Variants in CTNND2 observed in about 807,000 individuals in gnomAD.
CTNND2 encodes catenin delta 2, also known as catenin delta-2.
CTNND2 carries 22 observed loss-of-function variants against 144.4 expected under a neutral mutation model. The observed-to-expected ratio is 0.15, with a 90% CI of 0.11 to 0.22. CTNND2 has a LOEUF of 0.22. CTNND2 is among the 10% of genes least tolerant of loss of function. CTNND2 has a pLI of 1.00. For synonymous variants in CTNND2, 751 were observed against 695.6 expected (o/e 1.08, Z -1.25); for missense variants, 1,353 against 1,618.8 (o/e 0.84, Z 2.82).
intron 2 of CTNND2, among the ~76,000 whole-genome samples, chr5:11,689,004 C>T (rs1346266494): frequency 1.3e-5 from 2 of 152,190 alleles, no homozygotes; most frequent in African/African-American, 2.4e-5. Context: ...TGACTGGGAA[C>T]GAACAGTATC....
chr5:11,451,828 A>G (rs1457260403), intron 3 of CTNND2, among the ~76,000 whole-genome samples: 1 of 152,200 alleles, frequency 6.6e-6, no homozygotes, highest in African/African-American at 2.4e-5. Flanking sequence ...ATACTGAACA[A>G]CACATGCGAA....
At chr5:11,833,092 T>C (rs1375124115) in intron 1 of CTNND2, among the ~76,000 whole-genome samples, 1 of 152,224 alleles carries the variant, frequency 6.6e-6, no homozygotes, top group Non-Finnish European at 1.5e-5. Flanking sequence ...TTGGTGTTTT[T>C]AAAAAGCTAA....
chr5:11,115,752 G>A (rs2149691934), intron 13 of CTNND2, among the ~76,000 whole-genome samples: 1 of 152,312 alleles, frequency 6.6e-6, no homozygotes, highest in East Asian at 1.9e-4. Flanking sequence ...ATGACAAGTG[G>A]TGCTCATAAT....
At chr5:11,105,906 C>T (rs1357181645) in intron 14 of CTNND2, among the ~76,000 whole-genome samples, 2 of 151,886 alleles carry the variant, frequency 1.3e-5, no homozygotes, top group African/African-American at 2.4e-5. Context: ...GAGGAACGGG[C>T]GGCAGCTGAA....
chr5:11,320,107 A>G (rs1235089687), intron 9 of CTNND2, among the ~76,000 whole-genome samples: 1 of 152,214 alleles, frequency 6.6e-6, no homozygotes, highest in Non-Finnish European at 1.5e-5. Context: ...CATTAGTCAT[A>G]GGCACTGCTC....
intron 12 of CTNND2, among the ~76,000 whole-genome samples, chr5:11,145,954 C>G (rs1757201986): frequency 6.6e-6 from 1 of 152,202 alleles, no homozygotes; most frequent in Admixed American, 6.5e-5. Flanking sequence ...GAGCATCTCT[C>G]TGCGCCTTCA....
intron 3 of CTNND2, among the ~76,000 whole-genome samples, chr5:11,428,627 A>G (rs1225208052): frequency 1.3e-5 from 2 of 152,254 alleles, no homozygotes; most frequent in Non-Finnish European, 2.9e-5. Context: ...CCTGGTACTC[A>G]TAAAACAGGT....
At chr5:11,139,437 G>A (rs150274717) in intron 12 of CTNND2, among the ~76,000 whole-genome samples, 223 of 152,336 alleles carry the variant, frequency 1.5e-3, no homozygotes, top group African/African-American at 5.1e-3. Flanking sequence ...ACCAGCTGAT[G>A]AATCCCTGTC....
chr5:11,584,520 A>C (rs909684863), intron 2 of CTNND2, among the ~76,000 whole-genome samples: 1 of 151,762 alleles, frequency 6.6e-6, no homozygotes. Context: ...ATGTTGAAAA[A>C]TATTTACACA....
rs575618609 is a variant in CTNND2, at chr5:11,272,191, C to T, written c.1629-35368G>A. Reference sequence around the variant, plus strand: ...TTAATTCAGAAAACAATTATAGCAACGTGAGATTATTTTTGTGATAGAATT... The same window carrying T: ...TTAATTCAGAAAACAATTATAGCAATGTGAGATTATTTTTGTGATAGAATT... On this transcript the variant is annotated intron_variant, in intron 9 of 21. Coordinates refer to ENST00000304623, the MANE Select transcript of CTNND2 (RefSeq NM_001332.4). Among the ~76,000 whole-genome samples the T allele has an allele frequency of 1.1e-4, 17 of 152,098 alleles. No individual in the cohort carries two copies. The South Asian group carries it at 2.5e-3, about 22-fold the overall frequency.
At chr5:11,855,749 C>T (rs1795221775) in intron 1 of CTNND2, among the ~76,000 whole-genome samples, 1 of 152,152 alleles carries the variant, frequency 6.6e-6, no homozygotes, top group Non-Finnish European at 1.5e-5. Flanking sequence ...CTGGCAACCT[C>T]TCAGATATGT....
intron 11 of CTNND2, among the ~76,000 whole-genome samples, chr5:11,171,756 G>C (rs974433067): frequency 5.9e-5 from 9 of 152,174 alleles, no homozygotes; most frequent in African/African-American, 1.9e-4. Context: ...GTCACCATGG[G>C]AGGGCATCAC....
intron 2 of CTNND2, among the ~76,000 whole-genome samples, chr5:11,579,793 G>A (rs1007057523): frequency 1.3e-5 from 2 of 152,146 alleles, no homozygotes; most frequent in Admixed American, 6.5e-5. Context: ...TGTGTCCCCT[G>A]AAACTAGGGA....
At position 11,616,175 on chromosome 5, in the gene CTNND2, A is replaced by AT. The variant is rs572837454; in HGVS notation, c.175-51120_175-51119insA. On this transcript the variant is annotated intron_variant, in intron 2 of 21. Coordinates refer to ENST00000304623, the MANE Select transcript of CTNND2 (RefSeq NM_001332.4). ...ACTCGCTGAGACAGCTTTTCTTTCC[A>AT]ATTTAATCTCCTTCTCTCCTCTGGG... Among the ~76,000 whole-genome samples, 93 of 152,198 alleles carry AT rather than the reference A, an allele frequency of 6.1e-4. 1 individual carries two copies. In the South Asian group the frequency reaches 0.018, roughly 30 times the overall value.
rs550343857 is a variant in CTNND2, at chr5:11,836,698, T to C, written c.37+67119A>G. Among the ~76,000 whole-genome samples, 42 of 152,322 alleles carry C rather than the reference T, an allele frequency of 2.8e-4. No homozygotes were observed. In the East Asian group the frequency reaches 7.3e-3, roughly 27 times the overall value. On this transcript the variant is annotated intron_variant, in intron 1 of 21. Transcript: ENST00000304623. The stretch of plus-strand genomic sequence containing the variant: ...AAAAAAAACTCTACTTTGCTAAAAA[T>C]TCCATAAAAGCACAAAATTATTTTA...
At chr5:11,251,355 T>C (rs1743631365) in intron 9 of CTNND2, among the ~76,000 whole-genome samples, 1 of 152,158 alleles carries the variant, frequency 6.6e-6, no homozygotes, top group Admixed American at 6.6e-5. Flanking sequence ...TTCTCAAAAC[T>C]TGGAAGCAGA....
At chr5:11,158,206 T>C (rs1402195255) in intron 12 of CTNND2, among the ~76,000 whole-genome samples, 1 of 152,122 alleles carries the variant, frequency 6.6e-6, no homozygotes, top group African/African-American at 2.4e-5. Flanking sequence ...AAGTAGGGAA[T>C]GCTAGCAAGG....
intron 9 of CTNND2, among the ~76,000 whole-genome samples, chr5:11,256,302 C>T (rs1345065149): frequency 2.0e-5 from 3 of 152,138 alleles, no homozygotes; most frequent in Non-Finnish European, 4.4e-5. Flanking sequence ...GGTCACACCA[C>T]TCTGAAAAAA....
At chr5:11,391,808 T>C (rs929638178) in intron 6 of CTNND2, among the ~76,000 whole-genome samples, 4 of 152,222 alleles carry the variant, frequency 2.6e-5, no homozygotes, top group Admixed American at 6.5e-5. Flanking sequence ...ACTGGGATCA[T>C]TACTGTTGGT....
Sources: gnomAD v4.1 joint callset for allele counts (sites outside exome capture counted in the v4.1 genomes callset) on GRCh38, gnomAD v4.1.1 for gene constraint, MANE v1.5 for transcripts, NCBI Gene and HGNC (gene_info 2026-07-23, HGNC 2026-07-21) for gene names.